Variants in TTC21B observed in about 807,000 individuals in gnomAD.
TTC21B encodes the protein tetratricopeptide repeat protein 21B.
In TTC21B, 127 loss-of-function variants were observed where a neutral mutation model predicts 175.1. That is an observed-to-expected ratio of 0.73 (90% CI 0.63 to 0.84). TTC21B has a LOEUF of 0.84. Among genes scored for constraint, TTC21B ranks in the 40% least tolerant of loss-of-function variants. The pLI is 0.00. For missense variants in TTC21B, 1,561 were observed against 1,558.3 expected (o/e 1.00, Z -0.03); for synonymous variants, 524 against 524.5 (o/e 1.00, Z 0.01).
At chr2:165,918,423 T>C (rs1257366052) in intron 13 of TTC21B, among the ~76,000 whole-genome samples, 1 of 152,048 alleles carries the variant, frequency 6.6e-6, no homozygotes, top group East Asian at 1.9e-4. Context: ...GTCTCCCGAG[T>C]AGCTGGGACT....
chr2:165,887,504 T>C (rs1166919857), intron 25 of TTC21B, among the ~76,000 whole-genome samples: 1 of 151,904 alleles, frequency 6.6e-6, no homozygotes, highest in Non-Finnish European at 1.5e-5. Context: ...CCTGGCGACA[T>C]GGCAAAACCC....
chr2:165,879,826 T>C (rs1684783172), intron 27 of TTC21B: 1 of 152,066 alleles, frequency 6.6e-6, no homozygotes, highest in Non-Finnish European at 1.5e-5. Flanking sequence ...GGAAACACTA[T>C]TTTAGAGCTT....
intron 18 of TTC21B, 84 bp from the exon 19 acceptor site, chr2:165,907,868 C>A: frequency 1.0e-6 from 1 of 962,674 alleles, no homozygotes; most frequent in Non-Finnish European, 1.6e-6. Flanking sequence ...AAACTGGTCT[C>A]TAGAAAAAAT....
chr2:165,941,111 G>A lies in TTC21B; in HGVS notation c.626C>T (p.Pro209Leu), dbSNP rs140511594. The A allele has an allele frequency of 8.0e-5, 129 of 1,613,836 alleles. No individual in the cohort carries two copies. Among genetic ancestry groups the A allele is most frequent in the Middle Eastern group, 6.6e-4 (4 of 6,062 alleles). Residue 209 changes from proline to leucine, a missense_variant, in exon 6 of 29, where the codon CCG becomes CTG. Coordinates refer to ENST00000243344, the MANE Select transcript of TTC21B (RefSeq NM_024753.5). Reference sequence around the variant, plus strand: ...CTTAACAAAAGCAGGAAGGAAGCTCGGAAAATTCACGATTATCTGGTTCAC... The same window carrying A: ...CTTAACAAAAGCAGGAAGGAAGCTCAGAAAATTCACGATTATCTGGTTCAC... ...ETVNQIIVNF[P>L]SFLPAFVKKM...
At chr2:165,897,937 C>A (rs181006828) in intron 22 of TTC21B, among the ~76,000 whole-genome samples, 1 of 152,104 alleles carries the variant, frequency 6.6e-6, no homozygotes, top group South Asian at 2.1e-4. Context: ...AGAACTGAAT[C>A]TGACCTGGCA....
At chr2:165,878,160 T>C (rs1684729290) in intron 27 of TTC21B, among the ~76,000 whole-genome samples, 1 of 152,168 alleles carries the variant, frequency 6.6e-6, no homozygotes, top group Non-Finnish European at 1.5e-5. Flanking sequence ...TACCACAAAA[T>C]ATTAGCATTT....
At chr2:165,926,659 G>C (rs918154550) in intron 11 of TTC21B, among the ~76,000 whole-genome samples, 1 of 152,088 alleles carries the variant, frequency 6.6e-6, no homozygotes, top group African/African-American at 2.4e-5. Context: ...TGCCAAAGGA[G>C]ATTAACGTTT....
intron 5 of TTC21B, among the ~76,000 whole-genome samples, chr2:165,942,022 G>T (rs369462140): frequency 6.6e-6 from 1 of 152,156 alleles, no homozygotes; most frequent in South Asian, 2.1e-4. Flanking sequence ...AAAAAGAGAT[G>T]ATGAGGCAAA....
Position 165,945,591 on chromosome 2 carries a change from A to T in TTC21B, c.362T>A (p.Ile121Asn). 2 of 1,613,844 alleles carry T rather than the reference A, an allele frequency of 1.2e-6. No individual in the cohort carries two copies. Among genetic ancestry groups the T allele is most frequent in the African/African-American group, 2.7e-5 (2 of 75,046 alleles). Residue 121 changes from isoleucine (I) to asparagine (N), a missense_variant, in exon 4 of 29, where the codon ATT becomes AAT. Coordinates refer to ENST00000243344, the MANE Select transcript of TTC21B (RefSeq NM_024753.5). ...TTCCCTTGCTTTATCATGGCGACCAATGTGCCATAAAAATAAGCCTGCATG... is the reference window on the plus strand; with the variant it reads ...TTCCCTTGCTTTATCATGGCGACCATTGTGCCATAAAAATAAGCCTGCATG... ...LYHAGLFLWH[I>N]GRHDKAREYI...
At chr2:165,900,403 T>C (rs1188902261) in intron 20 of TTC21B, among the ~76,000 whole-genome samples, 4 of 152,234 alleles carry the variant, frequency 2.6e-5, no homozygotes, top group African/African-American at 9.6e-5. Flanking sequence ...AACTAGTTAT[T>C]AAATTCTAGA....
intron 23 of TTC21B, 90 bp from the exon 24 acceptor site, chr2:165,890,730 G>T: frequency 6.5e-7 from 1 of 1,538,314 alleles, no homozygotes; most frequent in South Asian, 1.2e-5. Context: ...TAAAACTGTT[G>T]AATTATTTTG....
intron 11 of TTC21B, among the ~76,000 whole-genome samples, chr2:165,926,601 G>GC (rs1686638510): frequency 6.6e-6 from 1 of 152,086 alleles, no homozygotes. Context: ...CAACTTGATT[G>GC]TACTGAAGGA....
chr2:165,899,917 T>C (rs375837332), intron 20 of TTC21B, 37 bp from the exon 21 acceptor site: 9 of 1,350,364 alleles, frequency 6.7e-6, no homozygotes, highest in South Asian at 1.2e-5. Flanking sequence ...AGACACTGTA[T>C]AGAATAAAAA....
At chr2:165,934,989 G>A (rs2105351544) in intron 6 of TTC21B, among the ~76,000 whole-genome samples, 1 of 152,288 alleles carries the variant, frequency 6.6e-6, no homozygotes, top group Non-Finnish European at 1.5e-5. Flanking sequence ...TGCATTCAGA[G>A]GTGGTCAACG....
At chr2:165,921,268 A>G (rs1211645859) in intron 12 of TTC21B, among the ~76,000 whole-genome samples, 3 of 152,082 alleles carry the variant, frequency 2.0e-5, no homozygotes, top group South Asian at 2.1e-4. Context: ...ATCCATGCCT[A>G]TTTAATGAAA....
Position 165,873,570 on chromosome 2 carries a change from T to G in TTC21B, c.*1185A>C, listed in dbSNP as rs1037250379. On this transcript the variant is annotated 3_prime_UTR_variant, in exon 29 of 29. Coordinates refer to ENST00000243344, the MANE Select transcript of TTC21B (RefSeq NM_024753.5). Reference sequence around the variant, plus strand: ...AGCTGGGTAAACCGTTGCCTTCACATGGTGTGCTTTGTGACTCCCTGCTGA... The same window carrying G: ...AGCTGGGTAAACCGTTGCCTTCACAGGGTGTGCTTTGTGACTCCCTGCTGA... 1 of 152,210 alleles carries G rather than the reference T, an allele frequency of 6.6e-6. No individual in the cohort carries two copies. The highest frequency in any genetic ancestry group is 1.5e-5 in the Non-Finnish European group (1 of 68,032). 9.4% of individuals were successfully genotyped at this position (152,210 alleles called of 1,614,324 possible).
chr2:165,910,622 A>G (rs1301580691), intron 18 of TTC21B, among the ~76,000 whole-genome samples: 2 of 152,182 alleles, frequency 1.3e-5, no homozygotes, highest in Admixed American at 6.5e-5. Flanking sequence ...AATAATTTCA[A>G]GAAAATTAAG....
At position 165,881,233 on chromosome 2, in the gene TTC21B, A is replaced by G. The variant is rs562747634; in HGVS notation, c.3685-434T>C. Among the ~76,000 whole-genome samples the G allele has an allele frequency of 2.0e-5, 3 of 152,312 alleles. No individual in the cohort carries two copies. In the South Asian group the frequency reaches 6.2e-4, roughly 32 times the overall value. ...GAAAAAATCCTCAGATATTGTATCA[A>G]CTAAGTCTAAATGTGTTAGTGTGCA... On this transcript the variant is annotated intron_variant, in intron 26 of 28. Coordinates refer to ENST00000243344, the MANE Select transcript of TTC21B (RefSeq NM_024753.5).
intron 6 of TTC21B, among the ~76,000 whole-genome samples, chr2:165,937,318 A>G (rs1687186845): frequency 6.6e-6 from 1 of 152,168 alleles, no homozygotes; most frequent in Admixed American, 6.5e-5. Flanking sequence ...CACAATAAAG[A>G]TAATTTTTAG....
Sources: gnomAD v4.1 joint callset for allele counts (sites outside exome capture counted in the v4.1 genomes callset) on GRCh38, gnomAD v4.1.1 for gene constraint, MANE v1.5 for transcripts, NCBI Gene and HGNC (gene_info 2026-07-23, HGNC 2026-07-21) for gene names.